The following DNAH1 variants were observed in gnomAD, a reference collection of about 807,000 sequenced individuals.
The protein encoded by DNAH1 is dynein axonemal heavy chain 1.
Under a neutral mutation model 484.3 loss-of-function variants are expected in DNAH1, and 327 were observed. The ratio of observed to expected loss-of-function variants is 0.68; its 90% CI spans 0.62 to 0.74. The LOEUF (loss-of-function observed/expected upper bound fraction) is 0.74. Among genes scored for constraint, DNAH1 ranks in the 30% least tolerant of loss-of-function variants. The pLI, the probability that DNAH1 is intolerant of heterozygous loss-of-function variation, is 0.00. For synonymous variants in DNAH1, 2,192 were observed against 2,191.9 expected (o/e 1.00, Z 0.00); for missense variants, 5,052 against 5,546.8 (o/e 0.91, Z 2.83).
chr3:52,361,490 C>A lies in DNAH1; in HGVS notation c.4874+138C>A. The A allele has an allele frequency of 1.6e-6, 2 of 1,270,952 alleles. No homozygotes were observed. The highest frequency in any genetic ancestry group is 1.5e-5 in the African/African-American group (1 of 66,806). The allele number at this position is 1,270,952 out of a possible 1,614,324, so 78.7% of individuals were successfully genotyped here. On this transcript the variant is annotated intron_variant, in intron 29 of 77. Coordinates refer to ENST00000420323, the MANE Select transcript of DNAH1 (RefSeq NM_015512.5). This position sits in a 1 kb window ranked among gnomAD's most constrained non-coding sequence, Gnocchi z 5.6. ...CAGAAGGGGGTAATAGGCATCACGG[C>A]TTGGTCCTGGGGGCATTGGGGTGGG... is the stretch of plus-strand genomic sequence containing the variant.
intron 44 of DNAH1, chr3:52,374,701 A>G (rs1182734897): frequency 1.3e-5 from 18 of 1,404,280 alleles, no homozygotes; most frequent in African/African-American, 1.1e-4. Context: ...TCAAAGACCC[A>G]TTGGAACAAG....
rs187080010 is a variant in DNAH1 at position 52,349,223 on chromosome 3, C to T, written c.2329C>T (p.Gln777Ter). 6.8e-6 allele frequency: 11 copies of T among 1,613,830 alleles called. No individual in the cohort carries two copies. The Admixed American group carries it at 1.7e-4, about 24-fold the overall frequency. ...CTACCAGACGCAGGGCCTGTTGGCCCAGGAGGTGCGGGAGGTAGTGCTCAC... is the reference window on the plus strand; with the variant it reads ...CTACCAGACGCAGGGCCTGTTGGCCTAGGAGGTGCGGGAGGTAGTGCTCAC... ...KTYQTQGLLA[Q>*]EVREVVLTHL... Residue 777 changes from glutamine (Q) to a stop codon, truncating the protein, a stop_gained, in exon 14 of 78, where the codon CAG (glutamine) becomes TAG (stop). Transcript: ENST00000420323. LOFTEE classifies it high-confidence loss of function.
intron 36 of DNAH1, among the ~76,000 whole-genome samples, chr3:52,367,701 G>C (rs962284605): frequency 1.3e-5 from 2 of 152,052 alleles, no homozygotes; most frequent in African/African-American, 4.8e-5. Context: ...AGCCTCCCGA[G>C]TAGCTGGGAT....
chr3:52,383,655 G>T, intron 51 of DNAH1, 61 bp downstream of exon 51: 1 of 1,476,262 alleles, frequency 6.8e-7, no homozygotes, highest in Admixed American at 2.3e-5. Context: ...ACATGGGCTG[G>T]CCCCGGGGAC....
chr3:52,353,665 A>G lies in DNAH1; in HGVS notation c.3480+32A>G. 6.4e-7 allele frequency: 1 copy of G among 1,561,442 alleles called. No homozygotes were observed. The highest frequency in any genetic ancestry group is 8.7e-7 in the Non-Finnish European group (1 of 1,154,782). On this transcript the variant is annotated intron_variant, in intron 20 of 77. Coordinates refer to ENST00000420323, the MANE Select transcript of DNAH1 (RefSeq NM_015512.5). The surrounding 1 kb of genome is among the most constrained non-coding windows in gnomAD (Gnocchi z 5.0). ...AGCCACCAGCGGGCCCAGCCACTCC[A>G]GCCAGGCCCTGCCGGACAGCCTGAC...
At chr3:52,359,532 G>A in intron 26 of DNAH1, 146 bp downstream of exon 26, 1 of 1,193,548 alleles carries the variant, frequency 8.4e-7, no homozygotes, top group South Asian at 1.6e-5. Flanking sequence ...CCCTTGAAGT[G>A]TCTCACAACC....
rs776447134 is a variant in DNAH1, at chr3:52,361,660, G to A, written c.4875-1G>A. The A allele has an allele frequency of 6.2e-7, 1 of 1,602,570 alleles. No individual in the cohort carries two copies. Among genetic ancestry groups the A allele is most frequent in the East Asian group, 2.3e-5 (1 of 44,320 alleles). ...CCATCCAATGTTCCGGCCTCACTCA[G>A]TGCTGGGGCCTGGGCCTGCTTCGAC... On this transcript the variant is annotated splice_acceptor_variant, in intron 29 of 77. Transcript: ENST00000420323. LOFTEE classifies it high-confidence loss of function. The surrounding 1 kb of genome is among the most constrained non-coding windows in gnomAD (Gnocchi z 5.6).
rs1444775564 is a variant in DNAH1, at chr3:52,399,024, A to G, written c.12264A>G (p.Ser4088=). The G allele has an allele frequency of 5.6e-6, 9 of 1,614,016 alleles. No homozygotes were observed. The highest frequency in any genetic ancestry group is 7.6e-6 in the Non-Finnish European group (9 of 1,179,900). ...ACCCATCGCTCAAGCCTCTGTCATC[A>G]TGGGTCATGGACCTGCTGCAACGCC... ...KAYPSLKPLS[S]WVMDLLQRLD... is the part of the protein sequence containing the mutation. The change falls in exon 76 of 78, where the codon TCA becomes TCG. Residue 4088 remains serine, a synonymous_variant. Transcript: ENST00000420323.
Position 52,397,635 on chromosome 3 carries a change from C to T in DNAH1, c.11788-72C>T, listed in dbSNP as rs1002906023. On this transcript the variant is annotated intron_variant, in intron 73 of 77. Transcript: ENST00000420323. ...GGAATGTGACAAGTGGGGATGTGCTCCATTGGAGGGTAACTCTGAGGGCTG... is the reference window on the plus strand; with the variant it reads ...GGAATGTGACAAGTGGGGATGTGCTTCATTGGAGGGTAACTCTGAGGGCTG... 2.9e-6 allele frequency: 4 copies of T among 1,392,696 alleles called. No individual in the cohort carries two copies. The East Asian group carries it at 7.0e-5, about 24-fold the overall frequency. The allele number at this position is 1,392,696 out of a possible 1,614,324, so 86.3% of individuals were successfully genotyped here. A position where few individuals can be genotyped will look rare whatever the true frequency, so the allele number is the denominator to read the frequency against.
intron 43 of DNAH1, 36 bp downstream of exon 43, chr3:52,372,423 C>A: frequency 6.2e-7 from 1 of 1,607,706 alleles, no homozygotes; most frequent in African/African-American, 1.3e-5. Flanking sequence ...ACCCCTGCAT[C>A]CTCCCAGCCT....
At chr3:52,370,349 C>T (rs1703280804) in intron 39 of DNAH1, 120 bp downstream of exon 39, 7 of 1,526,340 alleles carry the variant, frequency 4.6e-6, no homozygotes, top group East Asian at 2.3e-5. Context: ...ATGGACAAGA[C>T]CACCTGTCCA....
chr3:52,347,738 A>G, intron 11 of DNAH1, 86 bp from the exon 12 acceptor site: 2 of 1,420,540 alleles, frequency 1.4e-6, no homozygotes, highest in African/African-American at 1.4e-5. Flanking sequence ...CTCAAGAGTC[A>G]TAGCGCTGGC....
intron 32 of DNAH1, among the ~76,000 whole-genome samples, chr3:52,363,685 G>A (rs73091168): frequency 0.14 from 21,229 of 152,142 alleles, 1,828 homozygotes; most frequent in African/African-American, 0.23. Context: ...TCCCACCTCT[G>A]GGCTGACATG....
In DNAH1 at chr3:52,359,129, A is replaced by G. The variant is rs557826061; in HGVS notation, c.4267-117A>G. Reference sequence around the variant, plus strand: ...TCCCTGCTCTGAAGGGACTGGTGGCATCAACAACTGGAGCCAAGTCTGAAA... The same window carrying G: ...TCCCTGCTCTGAAGGGACTGGTGGCGTCAACAACTGGAGCCAAGTCTGAAA... On this transcript the variant is annotated intron_variant, in intron 25 of 77. Coordinates refer to ENST00000420323, the MANE Select transcript of DNAH1 (RefSeq NM_015512.5). The G allele has an allele frequency of 7.0e-6, 10 of 1,429,240 alleles. No homozygotes were observed. In the East Asian group the frequency reaches 7.5e-5, roughly 11 times the overall value. 88.5% of individuals were successfully genotyped at this position (1,429,240 alleles called of 1,614,324 possible). A position where few individuals can be genotyped will look rare whatever the true frequency, so the allele number is the denominator to read the frequency against.
intron 42 of DNAH1, 42 bp from the exon 43 acceptor site, chr3:52,372,185 C>T (rs370850731): frequency 6.8e-6 from 11 of 1,611,638 alleles, no homozygotes; most frequent in Non-Finnish European, 8.5e-6. Context: ...CTCCTGTGCA[C>T]CAGGCCCACC....
intron 52 of DNAH1, 116 bp downstream of exon 52, chr3:52,384,147 T>G: frequency 8.7e-7 from 1 of 1,145,490 alleles, no homozygotes; most frequent in Admixed American, 3.0e-5. Flanking sequence ...GGTAAGCTTT[T>G]GGTCAGGCTG....
Position 52,396,552 on chromosome 3 carries a change from G to T in DNAH1, c.11430+14G>T, listed in dbSNP as rs563077716. 1.2e-6 allele frequency: 2 copies of T among 1,612,486 alleles called. No individual in the cohort carries two copies. The highest frequency in any genetic ancestry group is 1.7e-6 in the Non-Finnish European group (2 of 1,179,108). Reference sequence around the variant, plus strand: ...TCCTGCCACAAGGTGAGGCACACTTGGTGCAGGCCTACCCTACCTGCCCCC... The same window carrying T: ...TCCTGCCACAAGGTGAGGCACACTTTGTGCAGGCCTACCCTACCTGCCCCC... On this transcript the variant is annotated intron_variant, in intron 71 of 77. Transcript: ENST00000420323.
chr3:52,326,982 C>A, intron 5 of DNAH1, 91 bp downstream of exon 5: 1 of 1,445,510 alleles, frequency 6.9e-7, no homozygotes, highest in Non-Finnish European at 9.3e-7. Flanking sequence ...AAGGGGATTC[C>A]CCCACCAGTC....
chr3:52,370,686 CACA>C, intron 40 of DNAH1, 29 bp from the exon 41 acceptor site: 1 of 1,596,928 alleles, frequency 6.3e-7, no homozygotes, highest in Non-Finnish European at 8.5e-7. Context: ...TACTGGGCCT[CACA>C]GCCTGCTTCT....
Sources: gnomAD v4.1 joint callset for allele counts (sites outside exome capture counted in the v4.1 genomes callset) on GRCh38, gnomAD v4.1.1 for gene constraint, Gnocchi (gnomAD v3.1) non-coding constraint, MANE v1.5 for transcripts, NCBI Gene and HGNC (gene_info 2026-07-23, HGNC 2026-07-21) for gene names.